Variants in DNER observed in about 807,000 individuals in gnomAD.
DNER encodes the protein delta/notch like EGF repeat containing.
Under a neutral mutation model 78.2 loss-of-function variants are expected in DNER, and 33 were observed. That is an observed-to-expected ratio of 0.42 (90% CI 0.32 to 0.56). The LOEUF (loss-of-function observed/expected upper bound fraction) is 0.56. DNER is among the 20% of genes least tolerant of loss of function. The probability of loss-of-function intolerance (pLI) is 0.11; values close to 1 mark genes in which losing one functional copy is unlikely to be tolerated. For missense variants in DNER, 918 were observed against 975.3 expected (o/e 0.94, Z 0.78); for synonymous variants, 417 against 384.8 (o/e 1.08, Z -0.98).
rs1574900299 is a variant in DNER, at chr2:229,554,930, G to A, written c.848-7838C>T. On this transcript the variant is annotated intron_variant, in intron 4 of 12. Transcript: ENST00000341772. ...GAGAAGAGAAGAGAAGAGAAGAGAAGAGAAGAGAGAAAAGGGAAGGGAAGG... is the reference window on the plus strand; with the variant it reads ...GAGAAGAGAAGAGAAGAGAAGAGAAAAGAAGAGAGAAAAGGGAAGGGAAGG... Among the ~76,000 whole-genome samples, 206 of 62,876 alleles carry A rather than the reference G, an allele frequency of 3.3e-3. 4 individuals carry two copies. The highest frequency in any genetic ancestry group is 0.02 in the Middle Eastern group (2 of 98). The allele number at this position is 62,876 out of a possible 152,430, so 41.2% of individuals were successfully genotyped here.
chr2:229,541,275 T>G (rs1003220702), intron 5 of DNER, among the ~76,000 whole-genome samples: 2 of 151,964 alleles, frequency 1.3e-5, no homozygotes, highest in African/African-American at 2.4e-5. Flanking sequence ...AACCTAACGT[T>G]GGGGGAAAGG....
chr2:229,453,687 AC>A (rs1360616888), intron 7 of DNER, among the ~76,000 whole-genome samples: 1 of 151,712 alleles, frequency 6.6e-6, no homozygotes, highest in Non-Finnish European at 1.5e-5. Context: ...CCTAGCACCT[AC>A]CCCACCCTTT....
At chr2:229,473,596 C>T (rs1694973516) in intron 7 of DNER, among the ~76,000 whole-genome samples, 1 of 152,200 alleles carries the variant, frequency 6.6e-6, no homozygotes, top group Non-Finnish European at 1.5e-5. Flanking sequence ...TAAGTGTTGA[C>T]TTCTATTATT....
chr2:229,654,290 C>A (rs1299652673), intron 1 of DNER, among the ~76,000 whole-genome samples: 6 of 152,182 alleles, frequency 3.9e-5, no homozygotes, highest in Non-Finnish European at 7.3e-5. Flanking sequence ...CCAGCCATCC[C>A]ATTACTGGGT....
intron 1 of DNER, among the ~76,000 whole-genome samples, chr2:229,650,222 T>C (rs963733234): frequency 6.6e-6 from 1 of 152,176 alleles, no homozygotes; most frequent in African/African-American, 2.4e-5. Context: ...AACCCTTCAC[T>C]TGGGCTGTAC....
chr2:229,453,505 A>G (rs1559355768), intron 7 of DNER, among the ~76,000 whole-genome samples: 1 of 152,218 alleles, frequency 6.6e-6, no homozygotes, highest in African/African-American at 2.4e-5. Context: ...GATTCATCAT[A>G]GGTATACATG....
intron 10 of DNER, among the ~76,000 whole-genome samples, chr2:229,390,352 A>G (rs529194547): frequency 1.3e-5 from 2 of 152,340 alleles, no homozygotes; most frequent in East Asian, 3.9e-4. Context: ...TTCATTTCCT[A>G]AACTCTATGC....
chr2:229,659,146 T>C (rs1698962951), intron 1 of DNER, among the ~76,000 whole-genome samples: 1 of 152,154 alleles, frequency 6.6e-6, no homozygotes, highest in Non-Finnish European at 1.5e-5. Context: ...AGAGTGTTTC[T>C]TTGTCCTAAG....
At chr2:229,491,806 C>T (rs1253943317) in intron 6 of DNER, among the ~76,000 whole-genome samples, 1 of 152,152 alleles carries the variant, frequency 6.6e-6, no homozygotes, top group African/African-American at 2.4e-5. Context: ...ATGGTAAAAT[C>T]CCATCTCAAT....
At chr2:229,361,110 G>A (rs915471479) in intron 12 of DNER, among the ~76,000 whole-genome samples, 20 of 152,126 alleles carry the variant, frequency 1.3e-4, no homozygotes, top group Admixed American at 7.2e-4. Context: ...AAAACACACA[G>A]TACAATGAAA....
intron 1 of DNER, among the ~76,000 whole-genome samples, chr2:229,598,045 C>T (rs573464544): frequency 4.6e-5 from 7 of 152,212 alleles, no homozygotes; most frequent in Admixed American, 4.6e-4. Flanking sequence ...TGGCAATTCC[C>T]ATATCCTCTG....
chr2:229,471,908 C>T (rs887020397), intron 7 of DNER, among the ~76,000 whole-genome samples: 12 of 152,190 alleles, frequency 7.9e-5, no homozygotes, highest in Non-Finnish European at 1.6e-4. Flanking sequence ...TAAACCACTC[C>T]ACTCTACAGC....
chr2:229,446,879 C>A (rs1350588504), intron 8 of DNER, among the ~76,000 whole-genome samples: 1 of 152,206 alleles, frequency 6.6e-6, no homozygotes, highest in Non-Finnish European at 1.5e-5. Flanking sequence ...CCGTGCTTTT[C>A]ATGCACGTTA....
At chr2:229,423,738 G>A (rs1390717748) in intron 8 of DNER, among the ~76,000 whole-genome samples, 2 of 151,956 alleles carry the variant, frequency 1.3e-5, no homozygotes, top group East Asian at 1.9e-4. Context: ...AACAGCTCTA[G>A]TGGAATTTAA....
chr2:229,364,118 C>T (rs957538735), intron 12 of DNER, among the ~76,000 whole-genome samples: 12 of 151,534 alleles, frequency 7.9e-5, no homozygotes, highest in African/African-American at 2.9e-4. Flanking sequence ...CCTCCTCAGC[C>T]TCCCAAAGTG....
At chr2:229,548,467 T>G (rs2154213263) in intron 4 of DNER, among the ~76,000 whole-genome samples, 1 of 152,240 alleles carries the variant, frequency 6.6e-6, no homozygotes, top group South Asian at 2.1e-4. Flanking sequence ...CTGGAAACCA[T>G]CATTCTCAGC....
At chr2:229,600,414 G>A (rs1309320219) in intron 1 of DNER, among the ~76,000 whole-genome samples, 1 of 152,118 alleles carries the variant, frequency 6.6e-6, no homozygotes, top group Non-Finnish European at 1.5e-5. Context: ...CAGGTAGGTG[G>A]GGGTCACCTG....
At chr2:229,398,145 G>C (rs1000241500) in intron 10 of DNER, among the ~76,000 whole-genome samples, 1 of 151,978 alleles carries the variant, frequency 6.6e-6, no homozygotes, top group African/African-American at 2.4e-5. Flanking sequence ...AAGGAAAAAA[G>C]AGAAAGACAC....
intron 1 of DNER, among the ~76,000 whole-genome samples, chr2:229,704,875 G>A (rs1699803874): frequency 6.6e-6 from 1 of 152,216 alleles, no homozygotes; most frequent in Admixed American, 6.5e-5. Flanking sequence ...TAGTCAATTG[G>A]AAGCTAAAGA....
Sources: allele counts gnomAD v4.1 joint callset (sites outside exome capture counted in the v4.1 genomes callset), GRCh38; gene constraint gnomAD v4.1.1; transcripts MANE v1.5; gene names NCBI Gene and HGNC (gene_info 2026-07-23, HGNC 2026-07-21).